TENM3: variants seen among roughly 807,000 people sequenced by gnomAD.
TENM3 encodes the protein teneurin transmembrane protein 3, also known as teneurin-3.
In TENM3, 63 loss-of-function variants were observed where a neutral mutation model predicts 255.1. The observed-to-expected ratio is 0.25, with a 90% CI of 0.20 to 0.30. TENM3 has a LOEUF of 0.30. TENM3 is among the 10% of genes least tolerant of loss of function. The pLI, the probability that TENM3 is intolerant of heterozygous loss-of-function variation, is 1.00. For synonymous variants in TENM3, 1,306 were observed against 1,322.3 expected, an observed-to-expected ratio of 0.99 and a Z score of 0.27; for missense variants, 2,929 against 3,461.1, an observed-to-expected ratio of 0.85 and a Z score of 3.86.
intron 1 of TENM3, among the ~76,000 whole-genome samples, chr4:182,165,693 A>G (rs1247687892): frequency 2.6e-5 from 4 of 152,252 alleles, no homozygotes; most frequent in Admixed American, 6.5e-5. Flanking sequence ...TGCAGCATGC[A>G]GCACATTGGG....
chr4:182,340,357 A>T (rs906888399), intron 2 of TENM3, among the ~76,000 whole-genome samples: 1 of 152,180 alleles, frequency 6.6e-6, no homozygotes, highest in Non-Finnish European at 1.5e-5. Context: ...TATGGTGTCC[A>T]GTGGTCATTT....
chr4:181,773,235 A>G, the TENM3 span, among the ~76,000 whole-genome samples: 2 of 152,144 alleles, frequency 1.3e-5, no homozygotes, highest in African/African-American at 4.8e-5. Flanking sequence ...TCAGTATCAG[A>G]TAGACTCAAA....
At chr4:181,562,568 T>G in the TENM3 span, among the ~76,000 whole-genome samples, 1 of 152,332 alleles carries the variant, frequency 6.6e-6, no homozygotes, top group African/African-American at 2.4e-5. Context: ...TTTTAGTTTT[T>G]TTTCTTTTGC....
the TENM3 span, among the ~76,000 whole-genome samples, chr4:181,681,155 C>G: frequency 4.0e-5 from 6 of 151,836 alleles, no homozygotes; most frequent in Admixed American, 3.9e-4. Flanking sequence ...CCAAGTCAAA[C>G]AGAACAGAGG....
the TENM3 span, among the ~76,000 whole-genome samples, chr4:181,617,895 G>A: frequency 9.9e-5 from 15 of 152,134 alleles, no homozygotes; most frequent in Admixed American, 2.0e-4. Context: ...CTCATTTGGT[G>A]GAGCAGAGAA....
chr4:181,860,681 A>C, the TENM3 span, among the ~76,000 whole-genome samples: 1 of 152,176 alleles, frequency 6.6e-6, no homozygotes, highest in Non-Finnish European at 1.5e-5. Context: ...TGTGTGTAAA[A>C]TTTTCACACA....
chr4:182,622,844 AG>A, intron 4 of TENM3, among the ~76,000 whole-genome samples: 1 of 152,188 alleles, frequency 6.6e-6, no homozygotes, highest in East Asian at 1.9e-4. Flanking sequence ...GTTAATACAG[AG>A]GTGAATAGGA....
At position 182,752,627 on chromosome 4, in the gene TENM3, C is replaced by T. The variant is rs150603750; in HGVS notation, c.3862+595C>T. Reference sequence around the variant, plus strand: ...GAATACAATGTTTTTGGTTTGGGGCCTTTATTTTTTTCATGGTAGCTGCTG... The same window carrying T: ...GAATACAATGTTTTTGGTTTGGGGCTTTTATTTTTTTCATGGTAGCTGCTG... On this transcript the variant is annotated intron_variant, in intron 20 of 27. Coordinates refer to ENST00000511685, the MANE Select transcript of TENM3 (RefSeq NM_001080477.4). Among the ~76,000 whole-genome samples, 1,210 of 152,164 alleles carry T rather than the reference C, an allele frequency of 8.0e-3. 10 individuals are homozygous for T. The highest frequency in any genetic ancestry group is 0.014 in the Non-Finnish European group (922 of 68,000).
the TENM3 span, among the ~76,000 whole-genome samples, chr4:182,074,669 T>C: frequency 1.3e-5 from 2 of 152,124 alleles, no homozygotes; most frequent in Non-Finnish European, 2.9e-5. Context: ...GGGGTCAGAA[T>C]GTTTGGTTTG....
chr4:182,631,517 C>A (rs1751373737), intron 5 of TENM3: 1 of 152,142 alleles, frequency 6.6e-6, no homozygotes, highest in Non-Finnish European at 1.5e-5. Flanking sequence ...TGCCTTTACC[C>A]TTGAAGAAAA....
rs148854356 is a variant in TENM3 at position 182,762,564 on chromosome 4, G to T, written c.4892+7305G>T. Among the ~76,000 whole-genome samples, 314 of 152,272 alleles carry T rather than the reference G, an allele frequency of 2.1e-3. 3 individuals are homozygous for T. The highest frequency in any genetic ancestry group is 7.1e-3 in the African/African-American group (297 of 41,542). ...TTCTGGAGACTTTGCAGCATCTGTG[G>T]CTCATTCCTCTGACAATAAAATAAA... On this transcript the variant is annotated intron_variant, in intron 22 of 27. Coordinates refer to ENST00000511685, the MANE Select transcript of TENM3 (RefSeq NM_001080477.4).
chr4:181,961,840 G>A, the TENM3 span, among the ~76,000 whole-genome samples: 1 of 152,114 alleles, frequency 6.6e-6, no homozygotes, highest in East Asian at 1.9e-4. Context: ...GATATTGTTT[G>A]TTCCACCATA....
At chr4:181,860,944 G>T in the TENM3 span, among the ~76,000 whole-genome samples, 1 of 152,054 alleles carries the variant, frequency 6.6e-6, no homozygotes, top group Non-Finnish European at 1.5e-5. Flanking sequence ...CAAAGGTATC[G>T]CTCCAGCATT....
intron 5 of TENM3, among the ~76,000 whole-genome samples, chr4:182,648,996 G>A (rs1753014265): frequency 6.6e-6 from 1 of 152,094 alleles, no homozygotes; most frequent in Non-Finnish European, 1.5e-5. Flanking sequence ...CCAGTTTGGG[G>A]TTGTTTCCAG....
At chr4:181,778,436 C>T in the TENM3 span, among the ~76,000 whole-genome samples, 1 of 152,096 alleles carries the variant, frequency 6.6e-6, no homozygotes, top group Non-Finnish European at 1.5e-5. Flanking sequence ...TATAAACTTT[C>T]AGAGATGAAG....
chr4:181,619,485 G>A, the TENM3 span, among the ~76,000 whole-genome samples: 7 of 152,142 alleles, frequency 4.6e-5, no homozygotes, highest in East Asian at 1.9e-4. Flanking sequence ...GTAGTGGCAC[G>A]ATCATTGCTC....
chr4:182,450,318 ATCAGCTAACT>A (rs1773344738), intron 3 of TENM3, among the ~76,000 whole-genome samples: 1 of 152,244 alleles, frequency 6.6e-6, no homozygotes, highest in Non-Finnish European at 1.5e-5. Context: ...CATTTAAGAA[ATCAGCTAACT>A]TAACTAAGCC....
At chr4:181,888,387 G>A in the TENM3 span, among the ~76,000 whole-genome samples, 5 of 150,384 alleles carry the variant, frequency 3.3e-5, no homozygotes, top group Non-Finnish European at 5.9e-5. Flanking sequence ...CCCTAGGCTT[G>A]TAGGTAAACG....
At chr4:182,209,664 C>G (rs193052713) in intron 1 of TENM3, among the ~76,000 whole-genome samples, 1 of 152,102 alleles carries the variant, frequency 6.6e-6, no homozygotes, top group Non-Finnish European at 1.5e-5. Context: ...TGTGTAAATG[C>G]GTCTGTTACC....
Sources: gnomAD v4.1 joint callset for allele counts (sites outside exome capture counted in the v4.1 genomes callset) on GRCh38, gnomAD v4.1.1 for gene constraint, MANE v1.5 for transcripts, NCBI Gene and HGNC (gene_info 2026-07-23, HGNC 2026-07-21) for gene names.